BTG3: variants seen among roughly 807,000 people sequenced by gnomAD.
BTG3 encodes the protein protein BTG3.
Under a neutral mutation model 25.8 loss-of-function variants are expected in BTG3, and 4 were observed. That is an observed-to-expected ratio of 0.16 (90% CI 0.08 to 0.36). The LOEUF (loss-of-function observed/expected upper bound fraction) is 0.36. Ranked by LOEUF, BTG3 falls within the 10% of genes least tolerant of loss-of-function variation. The probability of loss-of-function intolerance (pLI) is 1.00; values close to 1 mark genes in which losing one functional copy is unlikely to be tolerated. For missense variants in BTG3, 201 were observed against 304.9 expected, an observed-to-expected ratio of 0.66 and a Z score of 2.54; for synonymous variants, 107 against 99.9, an observed-to-expected ratio of 1.07 and a Z score of -0.42.
chr21:17,601,661 G>A (rs571267163), intron 3 of BTG3, among the ~76,000 whole-genome samples: 1 of 152,294 alleles, frequency 6.6e-6, no homozygotes, highest in East Asian at 1.9e-4. Context: ...CCCCTCCACA[G>A]TTGGAAGACT....
chr21:17,600,860 A>AC (rs1170286938), intron 3 of BTG3, among the ~76,000 whole-genome samples: 1 of 152,008 alleles, frequency 6.6e-6, no homozygotes, highest in African/African-American at 2.4e-5. Context: ...TTTTTAGTTT[A>AC]CCTCATAAAA....
chr21:17,598,719 G>A lies in BTG3; in HGVS notation c.417C>T (p.Thr139=). 6.2e-7 allele frequency: 1 copy of A among 1,614,010 alleles called. No individual in the cohort carries two copies. Among genetic ancestry groups the A allele is most frequent in the Non-Finnish European group, 8.5e-7 (1 of 1,179,916 alleles). The change falls in exon 4 of 5, where the codon ACC becomes ACT. Residue 139 remains threonine, a synonymous_variant. Coordinates refer to ENST00000348354, the MANE Select transcript of BTG3 (RefSeq NM_006806.5). The part of the protein sequence containing the change: ...RKVTRALDKV[T]SDYHSGSSSS... The stretch of plus-strand genomic sequence containing the variant: ...AAGAGGATCCTGAATGATAATCAGA[G>A]GTAACCTTATCAAGGGCCCTGGTAA...
intron 3 of BTG3, among the ~76,000 whole-genome samples, chr21:17,602,555 T>C (rs2061587700): frequency 6.6e-6 from 1 of 152,234 alleles, no homozygotes; most frequent in Admixed American, 6.5e-5. Context: ...TACTAAACGA[T>C]TAATACGTCT....
chr21:17,608,940 C>G, intron 2 of BTG3, 32 bp downstream of exon 2: 1 of 1,590,676 alleles, frequency 6.3e-7, no homozygotes, highest in Non-Finnish European at 8.5e-7. Context: ...AGGGGTTGAT[C>G]AGCCTCTGCT....
At chr21:17,599,085 A>C in intron 3 of BTG3, 1 of 343,300 alleles carries the variant, frequency 2.9e-6, no homozygotes, top group South Asian at 9.5e-5. Context: ...AATTCCTAAA[A>C]AAAAAATTGT....
chr21:17,605,392 G>A (rs188474356), intron 2 of BTG3, among the ~76,000 whole-genome samples: 95 of 152,226 alleles, frequency 6.2e-4, no homozygotes, highest in African/African-American at 2.1e-3. Flanking sequence ...TGTTTCAGAT[G>A]GTATTTGGAA....
Position 17,608,929 on chromosome 21 carries a change from CAG to C in BTG3, c.173+41_173+42del, listed in dbSNP as rs779851913. The C allele has an allele frequency of 4.9e-4, 771 of 1,581,758 alleles. 4 individuals carry two copies. The highest frequency in any genetic ancestry group is 1.1e-3 in the South Asian group (95 of 84,974). ...CAATCATCCGGCCTTGAACCCACCT[CAG>C]GGGTTGATCAGCCTCTGCTTAATCC... On this transcript the variant is annotated intron_variant, in intron 2 of 4. Transcript: ENST00000348354.
chr21:17,595,461 T>A (rs1263208188), intron 4 of BTG3, among the ~76,000 whole-genome samples: 3 of 152,142 alleles, frequency 2.0e-5, no homozygotes, highest in South Asian at 4.1e-4. Context: ...AACATTTTTT[T>A]AAATATACCT....
chr21:17,608,722 T>A, intron 2 of BTG3: 1 of 383,214 alleles, frequency 2.6e-6, no homozygotes, highest in Non-Finnish European at 4.6e-6. Flanking sequence ...GGAGCCAGGC[T>A]ATAACCACAA....
chr21:17,603,069 C>G (rs1361770315), intron 3 of BTG3, among the ~76,000 whole-genome samples: 1 of 152,178 alleles, frequency 6.6e-6, no homozygotes, highest in Non-Finnish European at 1.5e-5. Context: ...AATGCTGCTT[C>G]TCACATTTCA....
intron 3 of BTG3, chr21:17,604,384 G>A (rs527784386): frequency 1.7e-4 from 34 of 196,944 alleles, no homozygotes; most frequent in East Asian, 1.0e-3. Flanking sequence ...GGCAGAGGTT[G>A]CAGACAGCCA....
At position 17,609,124 on chromosome 21, in the gene BTG3, G is replaced by T; in HGVS notation, c.21C>A (p.Ala7=). The T allele has an allele frequency of 1.9e-6, 3 of 1,607,528 alleles. No individual in the cohort carries two copies. Among genetic ancestry groups the T allele is most frequent in the Non-Finnish European group, 2.5e-6 (3 of 1,178,248 alleles). The change falls in exon 2 of 5, where the codon GCC becomes GCA. Residue 7 remains alanine, a synonymous_variant. Coordinates refer to ENST00000348354, the MANE Select transcript of BTG3 (RefSeq NM_006806.5). ...CTAGCCTTGTGAAAAAGAAGACAAC[G>T]GCAGCAATTTCATTCTTCATTTTTT... is the stretch of plus-strand genomic sequence containing the variant. MKNEIA[A]VVFFFTRLVR... is the part of the protein sequence containing the mutation.
At chr21:17,608,636 C>T (rs1294123909) in intron 2 of BTG3, 1 of 238,584 alleles carries the variant, frequency 4.2e-6, no homozygotes, top group African/African-American at 2.2e-5. Context: ...CTACCATGCC[C>T]ATTAATGTGT....
At chr21:17,597,776 T>C (rs1185868879) in intron 4 of BTG3, among the ~76,000 whole-genome samples, 2 of 152,160 alleles carry the variant, frequency 1.3e-5, no homozygotes, top group Non-Finnish European at 2.9e-5. Flanking sequence ...ATAATGTTCA[T>C]TATGTAAATG....
chr21:17,611,607 G>C (rs1242149563), intron 1 of BTG3: 1 of 152,300 alleles, frequency 6.6e-6, no homozygotes, highest in Admixed American at 6.5e-5. Context: ...GAGGCAAGCA[G>C]GGCCAAGAAG....
chr21:17,593,976 T>G lies in BTG3; in HGVS notation c.*117A>C. On this transcript the variant is annotated 3_prime_UTR_variant, in exon 5 of 5. Coordinates refer to ENST00000348354, the MANE Select transcript of BTG3 (RefSeq NM_006806.5). Reference sequence around the variant, plus strand: ...CTCAATAACTTCTATAAAAATAAGTTTGATGGTTTGGCCCATCTAACTTCA... The same window carrying G: ...CTCAATAACTTCTATAAAAATAAGTGTGATGGTTTGGCCCATCTAACTTCA... 1 of 1,200,558 alleles carries G rather than the reference T, an allele frequency of 8.3e-7. No individual in the cohort carries two copies. Among genetic ancestry groups the G allele is most frequent in the Non-Finnish European group, 1.1e-6 (1 of 881,888 alleles). 74.4% of individuals were successfully genotyped at this position (1,200,558 alleles called of 1,614,324 possible).
chr21:17,598,545 C>A, intron 4 of BTG3, 72 bp downstream of exon 4: 1 of 1,313,860 alleles, frequency 7.6e-7, no homozygotes, highest in Non-Finnish European at 1.1e-6. Context: ...TGGGCAATGC[C>A]AAGTAGGACT....
chr21:17,596,284 A>G (rs2061503157), intron 4 of BTG3, among the ~76,000 whole-genome samples: 1 of 152,024 alleles, frequency 6.6e-6, no homozygotes, highest in South Asian at 2.1e-4. Flanking sequence ...AAGATGATTA[A>G]TTTTGATGAA....
At chr21:17,602,790 G>A (rs772223131) in intron 3 of BTG3, among the ~76,000 whole-genome samples, 2 of 152,118 alleles carry the variant, frequency 1.3e-5, no homozygotes, top group African/African-American at 2.4e-5. Flanking sequence ...TAGAATGTCC[G>A]TATAACTAAA....
Sources: allele counts gnomAD v4.1 joint callset (sites outside exome capture counted in the v4.1 genomes callset), GRCh38; gene constraint gnomAD v4.1.1; transcripts MANE v1.5; gene names NCBI Gene and HGNC (gene_info 2026-07-23, HGNC 2026-07-21).